TNS3: variants seen among roughly 807,000 people sequenced by gnomAD.
TNS3 encodes tensin-3.
Under a neutral mutation model 140.9 loss-of-function variants are expected in TNS3, and 45 were observed. The ratio of observed to expected loss-of-function variants is 0.32; its 90% CI spans 0.25 to 0.41. The LOEUF (loss-of-function observed/expected upper bound fraction) is 0.41, where lower values mean the gene tolerates loss of function less well. Among genes scored for constraint, TNS3 ranks in the 10% least tolerant of loss-of-function variants. The pLI is 1.00. For missense variants in TNS3, 1,716 were observed against 1,906.7 expected (o/e 0.90, Z 1.86); for synonymous variants, 815 against 788.4 (o/e 1.03, Z -0.56).
intron 10 of TNS3, among the ~76,000 whole-genome samples, chr7:47,420,507 C>T (rs1025593922): frequency 1.3e-5 from 2 of 152,138 alleles, no homozygotes; most frequent in Admixed American, 6.5e-5. Context: ...GATAGGCATG[C>T]GTACAACTTC....
chr7:47,341,430 A>G (rs1008447140), intron 20 of TNS3, among the ~76,000 whole-genome samples: 2 of 152,180 alleles, frequency 1.3e-5, no homozygotes, highest in African/African-American at 4.8e-5. Flanking sequence ...GTATTCAAGT[A>G]GTCTATTTCC....
intron 2 of TNS3, among the ~76,000 whole-genome samples, chr7:47,518,140 C>T (rs1365186591): frequency 6.6e-6 from 1 of 152,228 alleles, no homozygotes; most frequent in Non-Finnish European, 1.5e-5. Flanking sequence ...CTGCCTCCCA[C>T]AGCACCATTT....
In TNS3 at chr7:47,467,043, T is replaced by A. The variant is rs77538553; in HGVS notation, c.-76+14060A>T. 5.3e-3 allele frequency among the ~76,000 whole-genome samples: 808 copies of A among 152,330 alleles called. 12 individuals carry two copies. The highest frequency in any genetic ancestry group is 0.018 in the African/African-American group (764 of 41,562). ...GTGGTGGTGATGGTGTAAGTAGTAC[T>A]TTTGAAAGTCTGTTGCATATGTTAG... On this transcript the variant is annotated intron_variant, in intron 4 of 30. Transcript: ENST00000311160.
At chr7:47,543,428 G>C (rs10452820) in intron 1 of TNS3, among the ~76,000 whole-genome samples, 12,703 of 152,308 alleles carry the variant, frequency 0.083, 1,784 homozygotes, top group African/African-American at 0.29. Flanking sequence ...GACTGGAGAG[G>C]TGGGGAGCTG....
intron 20 of TNS3, among the ~76,000 whole-genome samples, chr7:47,337,401 G>A (rs1287391559): frequency 1.3e-5 from 2 of 152,162 alleles, no homozygotes; most frequent in African/African-American, 4.8e-5. Flanking sequence ...TTAGTAATGC[G>A]ATCTGCAGAG....
chr7:47,352,126 CACTCTT>C (rs970612622), intron 17 of TNS3, among the ~76,000 whole-genome samples: 4 of 149,436 alleles, frequency 2.7e-5, no homozygotes, highest in East Asian at 2.0e-4. Context: ...GTCTCTCACA[CACTCTT>C]ACACTCACAC....
intron 4 of TNS3, among the ~76,000 whole-genome samples, chr7:47,474,517 C>T (rs1797094949): frequency 6.6e-6 from 1 of 150,642 alleles, no homozygotes; most frequent in African/African-American, 2.4e-5. Flanking sequence ...ACACACAACA[C>T]AGGCATGTAC....
intron 3 of TNS3, among the ~76,000 whole-genome samples, chr7:47,495,873 T>C (rs549923054): frequency 6.6e-6 from 1 of 152,258 alleles, no homozygotes; most frequent in South Asian, 2.1e-4. Context: ...TCCTCCTCCA[T>C]CTCGGCAGAG....
At chr7:47,527,151 G>T (rs1442353365) in intron 2 of TNS3, among the ~76,000 whole-genome samples, 2 of 152,116 alleles carry the variant, frequency 1.3e-5, no homozygotes, top group East Asian at 1.9e-4. Context: ...GCAGGAGAAT[G>T]GCGTGAACCT....
chr7:47,527,929 G>C (rs1799258586), intron 2 of TNS3, among the ~76,000 whole-genome samples: 1 of 150,554 alleles, frequency 6.6e-6, no homozygotes, highest in Non-Finnish European at 1.5e-5. Context: ...AAAAAGTTTT[G>C]AATCACAGGA....
At chr7:47,565,556 G>A (rs556914473) in intron 1 of TNS3, among the ~76,000 whole-genome samples, 3 of 151,928 alleles carry the variant, frequency 2.0e-5, no homozygotes, top group African/African-American at 4.8e-5. Context: ...TAGTAGAGAC[G>A]GGGTTTCACC....
intron 17 of TNS3, among the ~76,000 whole-genome samples, chr7:47,352,297 C>T (rs1303742844): frequency 6.6e-6 from 1 of 152,120 alleles, no homozygotes; most frequent in African/African-American, 2.4e-5. Flanking sequence ...CACACATTGT[C>T]ACACTCACAT....
chr7:47,378,667 G>A lies in TNS3; in HGVS notation c.1025-9046C>T, dbSNP rs1365159548. Among the ~76,000 whole-genome samples, 4 of 152,284 alleles carry A rather than the reference G, an allele frequency of 2.6e-5. No homozygotes were observed. The East Asian group carries it at 7.7e-4, about 29-fold the overall frequency. On this transcript the variant is annotated intron_variant, in intron 16 of 30. Transcript: ENST00000311160. ...TCTCATTAGGCTCAAACCAAACCCA[G>A]AAGGGGTATGGATTCTCCTCTGCTT... is the stretch of plus-strand genomic sequence containing the variant.
intron 4 of TNS3, chr7:47,470,495 A>G: frequency 1.0e-6 from 1 of 985,472 alleles, no homozygotes; most frequent in Non-Finnish European, 1.2e-6. Context: ...GGCAGCATTC[A>G]TTCATTCGAA....
chr7:47,557,245 T>C (rs1800219519), intron 1 of TNS3: 1 of 417,948 alleles, frequency 2.4e-6, no homozygotes, highest in Admixed American at 2.5e-5. Context: ...TGACTTTTCG[T>C]CTTTCCTCAG....
chr7:47,344,797 G>C lies in TNS3; in HGVS notation c.2608C>G (p.Pro870Ala). 1 of 1,613,414 alleles carries C rather than the reference G, an allele frequency of 6.2e-7. No homozygotes were observed. Among genetic ancestry groups the C allele is most frequent in the Non-Finnish European group, 8.5e-7 (1 of 1,180,014 alleles). Residue 870 changes from proline to alanine, a missense_variant, in exon 20 of 31, where the codon CCC becomes GCC. Around this residue, in one of 3 missense-constraint regions of TNS3, gnomAD observed 1,163 missense variants for 1,182.1 expected, o/e 0.98. Coordinates refer to ENST00000311160, the MANE Select transcript of TNS3 (RefSeq NM_022748.12). ...LRHPPFSPPE[P>A]PLSSPASQHK... ...TGACTGGCTGGGCTGCTCAGCGGGG[G>C]CTCAGGTGGGCTGAACGGAGGATGG... is the stretch of plus-strand genomic sequence containing the variant.
intron 17 of TNS3, among the ~76,000 whole-genome samples, chr7:47,347,808 G>A (rs1422679143): frequency 6.6e-6 from 1 of 152,190 alleles, no homozygotes. Context: ...GGGGTCTCAC[G>A]TGTATCCCTC....
chr7:47,388,870 GAAAGAAAAA>G (rs1212589491), intron 16 of TNS3, among the ~76,000 whole-genome samples: 2 of 145,454 alleles, frequency 1.4e-5, no homozygotes, highest in African/African-American at 5.1e-5. Context: ...TCCTCTCAAA[GAAAGAAAAA>G]AAAGAAAAAG....
At chr7:47,410,571 G>C (rs1374230092) in intron 13 of TNS3, among the ~76,000 whole-genome samples, 1 of 152,180 alleles carries the variant, frequency 6.6e-6, no homozygotes. Flanking sequence ...CTCCACCTTC[G>C]ATCCTCGCTG....
Sources: allele counts gnomAD v4.1 joint callset (sites outside exome capture counted in the v4.1 genomes callset), GRCh38; gene constraint gnomAD v4.1.1; regional missense constraint gnomAD v4.1.1; transcripts MANE v1.5; gene names NCBI Gene and HGNC (gene_info 2026-07-23, HGNC 2026-07-21).